EFNA1: variants seen among roughly 807,000 people sequenced by gnomAD.
EFNA1 encodes the protein ephrin A1.
Under a neutral mutation model 23.2 loss-of-function variants are expected in EFNA1, and 8 were observed. The ratio of observed to expected loss-of-function variants is 0.34; its 90% CI spans 0.20 to 0.62. The LOEUF is 0.62. Among genes scored for constraint, EFNA1 ranks in the 20% least tolerant of loss-of-function variants. EFNA1 has a pLI of 0.75. For missense variants in EFNA1, 217 were observed against 260.0 expected (o/e 0.83, Z 1.14); for synonymous variants, 89 against 98.6 (o/e 0.90, Z 0.58).
chr1:155,134,286 G>A lies in EFNA1; in HGVS notation c.*219G>A, dbSNP rs1396546257. The A allele has an allele frequency of 1.4e-5, 8 of 580,384 alleles. No homozygotes were observed. Among genetic ancestry groups the A allele is most frequent in the Admixed American group, 9.0e-5 (3 of 33,384 alleles). The allele number at this position is 580,384 out of a possible 1,614,324, so 36.0% of individuals were successfully genotyped here. ...CAGTGCCATCCCCACCTTCACCTCG[G>A]AGGGATGGAGAAAGAAGTGGAGACA... On this transcript the variant is annotated 3_prime_UTR_variant, in exon 5 of 5. Transcript: ENST00000368407.
chr1:155,131,569 T>A lies in EFNA1; in HGVS notation c.323T>A (p.Phe108Tyr). ...KHGPEKLSEK[F>Y]QRFTPFTLGK... is the part of the protein sequence containing the mutation. ...GGCCCGGAGAAGCTGTCTGAGAAGT[T>A]CCAGCGCTTCACACCTTTCACCCTG... The change falls in exon 2 of 5, where the codon TTC becomes TAC. Residue 108 changes from phenylalanine to tyrosine, a missense_variant. Phe to Tyr is a conservative substitution (Grantham distance 22, BLOSUM62 3). Coordinates refer to ENST00000368407, the MANE Select transcript of EFNA1 (RefSeq NM_004428.3). The A allele has an allele frequency of 1.2e-6, 2 of 1,614,030 alleles. No individual in the cohort carries two copies. Among genetic ancestry groups the A allele is most frequent in the Non-Finnish European group, 1.7e-6 (2 of 1,180,032 alleles).
rs1664315897 is a variant in EFNA1 at position 155,134,122 on chromosome 1, AC to A, written c.*56del. ...GGACAGGCTGAAGAGAGGGACAGGCACTCCAAACCTGTCTTGGGGCCACTTT... is the reference window on the plus strand; with the variant it reads ...GGACAGGCTGAAGAGAGGGACAGGCATCCAAACCTGTCTTGGGGCCACTTT... On this transcript the variant is annotated 3_prime_UTR_variant, in exon 5 of 5. Transcript: ENST00000368407. 1 of 1,555,064 alleles carries A rather than the reference AC, an allele frequency of 6.4e-7. No individual in the cohort carries two copies.
At position 155,134,819 on chromosome 1, in the gene EFNA1, T is replaced by TCCA. The variant is rs1218612657; in HGVS notation, c.*752_*753insCCA. 2.0e-5 allele frequency: 3 copies of TCCA among 153,526 alleles called. No individual in the cohort carries two copies. Among genetic ancestry groups the TCCA allele is most frequent in the African/African-American group, 4.8e-5 (2 of 41,470 alleles). The allele number at this position is 153,526 out of a possible 1,614,324, so 9.5% of individuals were successfully genotyped here. ...CTACAACTGGAGTTTTTTTATACAATGTTCTTTGTCTCAAAATAAAGCAAT... is the reference window on the plus strand; with the variant it reads ...CTACAACTGGAGTTTTTTTATACAATCCAGTTCTTTGTCTCAAAATAAAGCAAT... On this transcript the variant is annotated 3_prime_UTR_variant, in exon 5 of 5. Coordinates refer to ENST00000368407, the MANE Select transcript of EFNA1 (RefSeq NM_004428.3).
intron 1 of EFNA1, among the ~76,000 whole-genome samples, chr1:155,129,363 C>T (rs1214539202): frequency 6.6e-6 from 1 of 152,126 alleles, no homozygotes; most frequent in Non-Finnish European, 1.5e-5. Context: ...CAGGTTTCCT[C>T]TCTTTCAGGA....
At chr1:155,133,468 G>T (rs754675430) in intron 2 of EFNA1, 35 bp from the exon 3 acceptor site, 1 of 1,613,382 alleles carries the variant, frequency 6.2e-7, no homozygotes, top group Non-Finnish European at 8.5e-7. Flanking sequence ...TCCAGCAAAG[G>T]TTTCTTATTT....
At chr1:155,132,368 C>A (rs1664256221) in intron 2 of EFNA1, among the ~76,000 whole-genome samples, 1 of 151,904 alleles carries the variant, frequency 6.6e-6, no homozygotes, top group African/African-American at 2.4e-5. Flanking sequence ...CCTGCCTCAA[C>A]CTCCCAAATA....
rs1440489936 is a variant in EFNA1 at position 155,134,211 on chromosome 1, A to G, written c.*144A>G. ...CATAAGCTATCACCTAGCAGCCTCA[A>G]AACGGGTCAGTATTAAGGTTTTCAA... On this transcript the variant is annotated 3_prime_UTR_variant, in exon 5 of 5. Transcript: ENST00000368407. The G allele has an allele frequency of 1.2e-6, 1 of 804,010 alleles. No homozygotes were observed. 49.8% of individuals were successfully genotyped at this position (804,010 alleles called of 1,614,324 possible).
rs1032932621 is a variant in EFNA1 at position 155,134,092 on chromosome 1, AAGAGGGACAGGCTGAAG to A, written c.*38_*54del. 6.8e-6 allele frequency: 11 copies of A among 1,608,188 alleles called. No homozygotes were observed. Among genetic ancestry groups the A allele is most frequent in the Admixed American group, 5.0e-5 (3 of 59,436 alleles). Reference sequence around the variant, plus strand: ...AAGGTGTATGCCACACCTGGCCTTAAAGAGGGACAGGCTGAAGAGAGGGACAGGCACTCCAAACCTGT... The same window carrying A: ...AAGGTGTATGCCACACCTGGCCTTAAAGAGGGACAGGCACTCCAAACCTGT... On this transcript the variant is annotated 3_prime_UTR_variant, in exon 5 of 5. Transcript: ENST00000368407.
At position 155,134,239 on chromosome 1, in the gene EFNA1, GGAA is replaced by G; in HGVS notation, c.*174_*176del. 1 of 647,834 alleles carries G rather than the reference GGAA, an allele frequency of 1.5e-6. No homozygotes were observed. Among genetic ancestry groups the G allele is most frequent in the East Asian group, 2.7e-5 (1 of 36,424 alleles). The allele number at this position is 647,834 out of a possible 1,614,324, so 40.1% of individuals were successfully genotyped here. A position where few individuals can be genotyped will look rare whatever the true frequency, so the allele number is the denominator to read the frequency against. On this transcript the variant is annotated 3_prime_UTR_variant, in exon 5 of 5. Transcript: ENST00000368407. Reference sequence around the variant, plus strand: ...CGGGTCAGTATTAAGGTTTTCAACCGGAAGGAGGCCAACCAGCCCGACAGTGCC... The same window carrying G: ...CGGGTCAGTATTAAGGTTTTCAACCGGGAGGCCAACCAGCCCGACAGTGCC...
Position 155,134,204 on chromosome 1 carries a change from A to C in EFNA1, c.*137A>C. 1 of 865,240 alleles carries C rather than the reference A, an allele frequency of 1.2e-6. No individual in the cohort carries two copies. The highest frequency in any genetic ancestry group is 1.8e-6 in the Non-Finnish European group (1 of 549,756). The allele number at this position is 865,240 out of a possible 1,614,324, so 53.6% of individuals were successfully genotyped here. A position where few individuals can be genotyped will look rare whatever the true frequency, so the allele number is the denominator to read the frequency against. ...CCACAGGCATAAGCTATCACCTAGC[A>C]GCCTCAAAACGGGTCAGTATTAAGG... On this transcript the variant is annotated 3_prime_UTR_variant, in exon 5 of 5. Coordinates refer to ENST00000368407, the MANE Select transcript of EFNA1 (RefSeq NM_004428.3).
chr1:155,128,317 A>G (rs1000985800), intron 1 of EFNA1, among the ~76,000 whole-genome samples: 1 of 152,068 alleles, frequency 6.6e-6, no homozygotes, highest in Non-Finnish European at 1.5e-5. Context: ...CTATTACTCT[A>G]AAGTGAGGGA....
Position 155,131,348 on chromosome 1 carries a change from T to C in EFNA1, c.102T>C (p.Asn34=). 1.2e-6 allele frequency: 2 copies of C among 1,601,598 alleles called. No individual in the cohort carries two copies. Among genetic ancestry groups the C allele is most frequent in the Non-Finnish European group, 1.7e-6 (2 of 1,169,562 alleles). Residue 34 remains asparagine (N), a synonymous_variant, in exon 2 of 5, where the codon AAT becomes AAC. Transcript: ENST00000368407. ...FWNSSNPKFR[N]EDYTIHVQLN... is the part of the protein sequence containing the mutation. ...CTGTGTGTGTCCCCAGGTTCCGGAA[T>C]GAGGACTACACCATACATGTGCAGC...
chr1:155,131,117 T>C (rs1571685017), intron 1 of EFNA1: 2 of 1,361,776 alleles, frequency 1.5e-6, no homozygotes, highest in African/African-American at 1.5e-5. Flanking sequence ...TGAATGCTAT[T>C]TGAAGGACCA....
chr1:155,130,278 C>G (rs939524180), intron 1 of EFNA1, among the ~76,000 whole-genome samples: 1 of 152,166 alleles, frequency 6.6e-6, no homozygotes, highest in African/African-American at 2.4e-5. Context: ...CTGGCAGTGC[C>G]TGGGGGAATT....
rs2102473890 is a variant in EFNA1 at position 155,134,145 on chromosome 1, C to T, written c.*78C>T. On this transcript the variant is annotated 3_prime_UTR_variant, in exon 5 of 5. Transcript: ENST00000368407. ...GCACTCCAAACCTGTCTTGGGGCCA[C>T]TTTCAGAGCCCCCAGCCCTGGGAAC... The T allele has an allele frequency of 7.1e-7, 1 of 1,400,510 alleles. No individual in the cohort carries two copies. The highest frequency in any genetic ancestry group is 1.2e-5 in the South Asian group (1 of 81,998). 86.8% of individuals were successfully genotyped at this position (1,400,510 alleles called of 1,614,324 possible).
At chr1:155,133,431 C>A in intron 2 of EFNA1, 72 bp from the exon 3 acceptor site, 1 of 1,520,170 alleles carries the variant, frequency 6.6e-7, no homozygotes, top group Non-Finnish European at 9.1e-7. Flanking sequence ...GAAAGCAGGG[C>A]GAGGGGCATT....
intron 1 of EFNA1, 142 bp from the exon 2 acceptor site, chr1:155,131,197 T>C (rs1319982623): frequency 7.4e-7 from 1 of 1,352,562 alleles, no homozygotes; most frequent in Non-Finnish European, 9.9e-7. Flanking sequence ...TCAAGATCAG[T>C]ACATATTGGG....
chr1:155,132,484 G>A (rs1409221184), intron 2 of EFNA1, among the ~76,000 whole-genome samples: 1 of 151,702 alleles, frequency 6.6e-6, no homozygotes, highest in Non-Finnish European at 1.5e-5. Flanking sequence ...CTGACCTCAA[G>A]TGATCTGCCC....
At chr1:155,132,471 C>A (rs1405261816) in intron 2 of EFNA1, among the ~76,000 whole-genome samples, 6 of 151,676 alleles carry the variant, frequency 4.0e-5, no homozygotes, top group African/African-American at 1.5e-4. Flanking sequence ...TGGTCTCGAA[C>A]TCCTGACCTC....
Sources: gnomAD v4.1 joint callset for allele counts (sites outside exome capture counted in the v4.1 genomes callset) on GRCh38, gnomAD v4.1.1 for gene constraint, MANE v1.5 for transcripts, NCBI Gene and HGNC (gene_info 2026-07-23, HGNC 2026-07-21) for gene names.